The following KCNQ1 variants were observed in gnomAD, a reference collection of about 807,000 sequenced individuals.
The protein encoded by KCNQ1 is potassium voltage-gated channel subfamily Q member 1, also known as potassium voltage-gated channel subfamily KQT member 1.
A neutral mutation model predicts 72.4 loss-of-function variants in KCNQ1; 49 were observed. The observed-to-expected ratio is 0.68, with a 90% CI of 0.54 to 0.86. The LOEUF (loss-of-function observed/expected upper bound fraction) is 0.86, where lower values mean the gene tolerates loss of function less well. Ranked by LOEUF, KCNQ1 falls within the 40% of genes least tolerant of loss-of-function variation. The probability of loss-of-function intolerance (pLI) is 0.00; values close to 1 mark genes in which losing one functional copy is unlikely to be tolerated. For missense variants in KCNQ1, 790 were observed against 945.1 expected, an observed-to-expected ratio of 0.84 and a Z score of 2.15; for synonymous variants, 450 against 412.6, an observed-to-expected ratio of 1.09 and a Z score of -1.10.
chr11:2,520,506 A>AG (rs1022120447), intron 1 of KCNQ1, among the ~76,000 whole-genome samples: 1 of 151,924 alleles, frequency 6.6e-6, no homozygotes, highest in African/African-American at 2.4e-5. Flanking sequence ...GCCACTGGTG[A>AG]GGGGGGTGAC....
chr11:2,751,523 C>A (rs902805254), intron 11 of KCNQ1, among the ~76,000 whole-genome samples: 3 of 152,274 alleles, frequency 2.0e-5, no homozygotes, highest in African/African-American at 7.2e-5. Flanking sequence ...AGGGACAGTG[C>A]AGCTCCGAAA....
At chr11:2,640,065 A>G (rs1260893935) in intron 10 of KCNQ1, 1 of 202,274 alleles carries the variant, frequency 4.9e-6, no homozygotes, top group African/African-American at 2.3e-5. Flanking sequence ...AAAGCACAGT[A>G]TTAGGGTGGG....
intron 1 of KCNQ1, among the ~76,000 whole-genome samples, chr11:2,527,106 G>A (rs1037598782): frequency 2.0e-5 from 3 of 152,198 alleles, no homozygotes; most frequent in Middle Eastern, 3.2e-3. Flanking sequence ...CAGAGAAGGC[G>A]GCCCGTCTTT....
intron 4 of KCNQ1, 31 bp downstream of exon 4, chr11:2,571,434 T>G (rs781671338): frequency 6.3e-7 from 1 of 1,589,238 alleles, no homozygotes; most frequent in Non-Finnish European, 8.6e-7. Context: ...CCCCCCGCCA[T>G]GCCGCCCCAC....
rs1846328955 is a variant in KCNQ1 at position 2,464,854 on chromosome 11, C to G, written c.386+19370C>G. Among the ~76,000 whole-genome samples the G allele has an allele frequency of 6.6e-6, 1 of 152,176 alleles. No homozygotes were observed. On this transcript the variant is annotated intron_variant, in intron 1 of 15. Transcript: ENST00000155840. This position sits in a 1 kb window ranked among gnomAD's most constrained non-coding sequence, Gnocchi z 5.0. Reference sequence around the variant, plus strand: ...AGGAGCTGGAGTCCACAGGGCGCTTCTCTTCTCTTTTCCTGTGTGTTAAGG... The same window carrying G: ...AGGAGCTGGAGTCCACAGGGCGCTTGTCTTCTCTTTTCCTGTGTGTTAAGG...
At position 2,750,698 on chromosome 11, in the gene KCNQ1, A is replaced by T. The variant is rs1846213303; in HGVS notation, c.1515-18146A>T. 6.6e-6 allele frequency among the ~76,000 whole-genome samples: 1 copy of T among 152,156 alleles called. No homozygotes were observed. The highest frequency in any genetic ancestry group is 1.5e-5 in the Non-Finnish European group (1 of 68,016). On this transcript the variant is annotated intron_variant, in intron 11 of 15. Transcript: ENST00000155840. This position sits in a 1 kb window ranked among gnomAD's most constrained non-coding sequence, Gnocchi z 6.3. ...TGTTTTAATCAACCAGTTCCCAATA[A>T]GTCATTTCAGTCAGGCCATTACCAA...
chr11:2,749,322 G>A (rs1042359111), intron 11 of KCNQ1, among the ~76,000 whole-genome samples: 2 of 152,014 alleles, frequency 1.3e-5, no homozygotes, highest in Non-Finnish European at 2.9e-5. Context: ...CGGGGGCCTC[G>A]GCTGGGGGGC....
At chr11:2,560,808 C>T (rs959584538) in intron 2 of KCNQ1, among the ~76,000 whole-genome samples, 6 of 151,946 alleles carry the variant, frequency 3.9e-5, no homozygotes, top group Non-Finnish European at 5.9e-5. Flanking sequence ...GACTTTAGGG[C>T]GCTCTGGGTG....
intron 1 of KCNQ1, chr11:2,461,896 G>A (rs1330901243): frequency 1.1e-5 from 5 of 443,790 alleles, no homozygotes; most frequent in South Asian, 1.8e-5. Context: ...AGAAATGGAT[G>A]GGGCATGCTG....
intron 1 of KCNQ1, among the ~76,000 whole-genome samples, chr11:2,496,144 G>A (rs115062800): frequency 1.1e-4 from 16 of 151,956 alleles, no homozygotes; most frequent in African/African-American, 3.9e-4. Context: ...TTTATCAAAG[G>A]CTAGGATCTT....
intron 11 of KCNQ1, among the ~76,000 whole-genome samples, chr11:2,714,449 T>C (rs1851055839): frequency 6.6e-6 from 1 of 152,188 alleles, no homozygotes; most frequent in Admixed American, 6.5e-5. Context: ...CCCTCTGCCA[T>C]CAGTGAGAAC....
Position 2,647,165 on chromosome 11 carries a change from CTTTT to C in KCNQ1, c.1394-14789_1394-14786del, listed in dbSNP as rs141799528. On this transcript the variant is annotated intron_variant, in intron 10 of 15. Coordinates refer to ENST00000155840, the MANE Select transcript of KCNQ1 (RefSeq NM_000218.3). The surrounding 1 kb of genome is among the most constrained non-coding windows in gnomAD (Gnocchi z 4.0). ...TTCCTTCTAGACATTATGTGATGAGCTTTTTTTTTTATCATGAAGAGATTTTGAA... is the reference window on the plus strand; with the variant it reads ...TTCCTTCTAGACATTATGTGATGAGCTTTTTTATCATGAAGAGATTTTGAA... 1.8e-5 allele frequency: 7 copies of C among 380,128 alleles called. No individual in the cohort carries two copies. The highest frequency in any genetic ancestry group is 1.1e-4 in the African/African-American group (5 of 47,306). 23.5% of individuals were successfully genotyped at this position (380,128 alleles called of 1,614,324 possible). A position where few individuals can be genotyped will look rare whatever the true frequency, so the allele number is the denominator to read the frequency against.
rs1169122538 is a variant in KCNQ1, at chr11:2,458,675, G to GGATA, written c.386+13194_386+13195insAGAT. 1.2e-4 allele frequency among the ~76,000 whole-genome samples: 18 copies of GGATA among 144,678 alleles called. No homozygotes were observed. Among genetic ancestry groups the GGATA allele is most frequent in the African/African-American group, 4.8e-4 (17 of 35,726 alleles). The allele number at this position is 144,678 out of a possible 152,430, so 94.9% of individuals were successfully genotyped here. A position where few individuals can be genotyped will look rare whatever the true frequency, so the allele number is the denominator to read the frequency against. On this transcript the variant is annotated intron_variant, in intron 1 of 15. Coordinates refer to ENST00000155840, the MANE Select transcript of KCNQ1 (RefSeq NM_000218.3). The surrounding 1 kb of genome is among the most constrained non-coding windows in gnomAD (Gnocchi z 4.6). ...TGGATGGATGGATGGATGGATGGAT[G>GGATA]GATGGATGGATCGATCGATCTCACC...
Position 2,781,273 on chromosome 11 carries a change from C to T in KCNQ1, c.1794+3236C>T, listed in dbSNP as rs1389113527. ...CCGAGGCTCAGAGAGGCTGAGTGGT[C>T]GCCTGAGGTCACACAGCTAGTTAGG... On this transcript the variant is annotated intron_variant, in intron 15 of 15. Transcript: ENST00000155840. This position sits in a 1 kb window ranked among gnomAD's most constrained non-coding sequence, Gnocchi z 6.6. 6.6e-6 allele frequency among the ~76,000 whole-genome samples: 1 copy of T among 152,146 alleles called. No individual in the cohort carries two copies. Among genetic ancestry groups the T allele is most frequent in the Non-Finnish European group, 1.5e-5 (1 of 68,028 alleles).
chr11:2,675,801 G>A, intron 11 of KCNQ1: 1 of 398,724 alleles, frequency 2.5e-6, no homozygotes, highest in East Asian at 3.6e-5. Context: ...GGGCATACCA[G>A]CCACGTGCAT....
At position 2,495,914 on chromosome 11, in the gene KCNQ1, T is replaced by G. The variant is rs534006787; in HGVS notation, c.387-32014T>G. On this transcript the variant is annotated intron_variant, in intron 1 of 15. Coordinates refer to ENST00000155840, the MANE Select transcript of KCNQ1 (RefSeq NM_000218.3). This position sits in a 1 kb window ranked among gnomAD's most constrained non-coding sequence, Gnocchi z 4.6. The stretch of plus-strand genomic sequence containing the variant: ...CCTTGTTAATTTTCTGTCTCATTGA[T>G]CTGTCTAATATTGACAGTGGAGTGT... Among the ~76,000 whole-genome samples, 1 of 152,320 alleles carries G rather than the reference T, an allele frequency of 6.6e-6. No individual in the cohort carries two copies. The highest frequency in any genetic ancestry group is 2.4e-5 in the African/African-American group (1 of 41,576).
At position 2,549,939 on chromosome 11, in the gene KCNQ1, C is replaced by T. The variant is rs1043854253; in HGVS notation, c.478-20689C>T. Among the ~76,000 whole-genome samples the T allele has an allele frequency of 8.5e-5, 13 of 152,160 alleles. No homozygotes were observed. The East Asian group carries it at 9.7e-4, about 11-fold the overall frequency. On this transcript the variant is annotated intron_variant, in intron 2 of 15. Transcript: ENST00000155840. The surrounding 1 kb of genome is among the most constrained non-coding windows in gnomAD (Gnocchi z 6.2). ...CGCCCCCGCCACCCAGCGCGAGCCG[C>T]GTAGAGGAGCAGGAAGGGAGCCAGC...
At chr11:2,696,457 G>A (rs528517753) in intron 11 of KCNQ1, 223 of 398,618 alleles carry the variant, frequency 5.6e-4, no homozygotes, top group Middle Eastern at 2.5e-3. Flanking sequence ...TCACCACACC[G>A]CTCTGATTGC....
chr11:2,814,513 G>T (rs1472007461), intron 15 of KCNQ1, among the ~76,000 whole-genome samples: 3 of 149,070 alleles, frequency 2.0e-5, no homozygotes, highest in African/African-American at 7.3e-5. Flanking sequence ...GGAAGGGAAG[G>T]CTGGATAAAG....
Sources: gnomAD v4.1 joint callset for allele counts (sites outside exome capture counted in the v4.1 genomes callset) on GRCh38, gnomAD v4.1.1 for gene constraint, Gnocchi (gnomAD v3.1) non-coding constraint, MANE v1.5 for transcripts, NCBI Gene and HGNC (gene_info 2026-07-23, HGNC 2026-07-21) for gene names.